The following NALF1 variants were observed in gnomAD, a reference collection of about 807,000 sequenced individuals.
The protein encoded by NALF1 is NALCN channel auxiliary factor 1.
A neutral mutation model predicts 48.4 loss-of-function variants in NALF1; 3 were observed. The ratio of observed to expected loss-of-function variants is 0.06; its 90% CI spans 0.03 to 0.16. The LOEUF (loss-of-function observed/expected upper bound fraction) is 0.16, where lower values mean the gene tolerates loss of function less well. Among genes scored for constraint, NALF1 ranks in the 10% least tolerant of loss-of-function variants. The pLI is 1.00. For synonymous variants in NALF1, 262 were observed against 245.7 expected (o/e 1.07, Z -0.62); for missense variants, 526 against 571.5 (o/e 0.92, Z 0.81).
At chr13:107,224,449 T>A (rs1005913149) in intron 1 of NALF1, among the ~76,000 whole-genome samples, 1 of 148,798 alleles carries the variant, frequency 6.7e-6, no homozygotes, top group Non-Finnish European at 1.5e-5. Context: ...AAATTATATA[T>A]AATATAAATA....
At chr13:107,678,372 T>C (rs1267022562) in intron 1 of NALF1, among the ~76,000 whole-genome samples, 1 of 152,084 alleles carries the variant, frequency 6.6e-6, no homozygotes, top group Non-Finnish European at 1.5e-5. Flanking sequence ...GACCTACTCA[T>C]CTATATAAAT....
At chr13:107,538,527 C>A (rs1029588856) in intron 1 of NALF1, among the ~76,000 whole-genome samples, 2 of 152,148 alleles carry the variant, frequency 1.3e-5, no homozygotes, top group African/African-American at 4.8e-5. Context: ...GAGTTCTAAT[C>A]ATATGATCTC....
At chr13:107,297,329 A>G (rs1881745391) in intron 1 of NALF1, among the ~76,000 whole-genome samples, 2 of 152,206 alleles carry the variant, frequency 1.3e-5, no homozygotes, top group Admixed American at 6.5e-5. Flanking sequence ...GATAATGAAA[A>G]GAAACAGTAT....
In NALF1 at chr13:107,473,570, C is replaced by T. The variant is rs188171176; in HGVS notation, c.916-262815G>A. On this transcript the variant is annotated intron_variant, in intron 1 of 2. Transcript: ENST00000375915. ...ACAGGACATATGTCTCATAAAATAC[C>T]ATGGCACTGCCTAAGAGAAGGTAGA... Among the ~76,000 whole-genome samples the T allele has an allele frequency of 5.9e-5, 9 of 152,182 alleles. No homozygotes were observed. The East Asian group carries it at 1.7e-3, about 29-fold the overall frequency.
chr13:107,256,132 A>C (rs1006492957), intron 1 of NALF1, among the ~76,000 whole-genome samples: 1 of 152,224 alleles, frequency 6.6e-6, no homozygotes, highest in African/African-American at 2.4e-5. Flanking sequence ...CGTTATTAAA[A>C]GTTAAATTAT....
chr13:107,849,781 T>C (rs1880264185), intron 1 of NALF1, among the ~76,000 whole-genome samples: 1 of 151,794 alleles, frequency 6.6e-6, no homozygotes, highest in Non-Finnish European at 1.5e-5. Context: ...TTCTTTTCCT[T>C]TTTTCTTTCT....
At chr13:107,849,535 C>T (rs1594312957) in intron 1 of NALF1, among the ~76,000 whole-genome samples, 1 of 152,114 alleles carries the variant, frequency 6.6e-6, no homozygotes, top group African/African-American at 2.4e-5. Context: ...TGCCCAAGGC[C>T]TCTCTATGAG....
intron 2 of NALF1, among the ~76,000 whole-genome samples, chr13:107,196,866 T>G (rs1218894506): frequency 1.3e-5 from 2 of 152,138 alleles, no homozygotes; most frequent in African/African-American, 2.4e-5. Flanking sequence ...GGTGACCAAG[T>G]GAGAGGATAG....
At chr13:107,769,544 G>C (rs548557945) in intron 1 of NALF1, among the ~76,000 whole-genome samples, 35 of 112,334 alleles carry the variant, frequency 3.1e-4, no homozygotes, top group African/African-American at 1.2e-3. Context: ...CTGTTGTGGG[G>C]TGGGGGGAGG....
intron 1 of NALF1, among the ~76,000 whole-genome samples, chr13:107,381,996 C>A (rs1287037363): frequency 6.8e-6 from 1 of 147,688 alleles, no homozygotes; most frequent in Admixed American, 6.6e-5. Context: ...GAGTCATCTG[C>A]AAATTCTCTT....
At chr13:107,514,328 G>T (rs1175339436) in intron 1 of NALF1, among the ~76,000 whole-genome samples, 1 of 152,156 alleles carries the variant, frequency 6.6e-6, no homozygotes, top group African/African-American at 2.4e-5. Context: ...AGGCAGTATG[G>T]GAGATTCAAG....
intron 1 of NALF1, among the ~76,000 whole-genome samples, chr13:107,435,319 G>A (rs1343314179): frequency 1.4e-5 from 2 of 138,230 alleles, no homozygotes; most frequent in African/African-American, 5.0e-5. Context: ...GCATCTTAGA[G>A]GTTGATTAGA....
chr13:107,639,001 G>A (rs1880070470), intron 1 of NALF1, among the ~76,000 whole-genome samples: 1 of 151,304 alleles, frequency 6.6e-6, no homozygotes, highest in Non-Finnish European at 1.5e-5. Flanking sequence ...TTCATCAACA[G>A]GAGCTCAATA....
intron 1 of NALF1, among the ~76,000 whole-genome samples, chr13:107,292,992 C>CTTTTTCTTTTTTTT (rs745529749): frequency 7.2e-5 from 8 of 110,680 alleles, no homozygotes; most frequent in East Asian, 2.8e-4. Context: ...TTTTCTTTTT[C>CTTTTTCTTTTTTTT]TTTTTTTTTT....
chr13:107,855,630 C>A (rs1880424310), intron 1 of NALF1, among the ~76,000 whole-genome samples: 1 of 152,188 alleles, frequency 6.6e-6, no homozygotes, highest in Non-Finnish European at 1.5e-5. Flanking sequence ...GGCAACCAGA[C>A]ATGGGCAAAG....
intron 1 of NALF1, among the ~76,000 whole-genome samples, chr13:107,351,104 T>A (rs17376051): frequency 0.017 from 2,632 of 152,358 alleles, 34 homozygotes; most frequent in Non-Finnish European, 0.028. Context: ...TCCTATATGC[T>A]GATTTGGTTT....
In NALF1 at chr13:107,164,974, G is replaced by A. The variant is rs954878724; in HGVS notation, c.*5523C>T. 6.6e-6 allele frequency: 1 copy of A among 152,056 alleles called. No individual in the cohort carries two copies. Among genetic ancestry groups the A allele is most frequent in the Non-Finnish European group, 1.5e-5 (1 of 68,026 alleles). The allele number at this position is 152,056 out of a possible 1,614,324, so 9.4% of individuals were successfully genotyped here. ...CATTTATATTACTTATCTCTTTTAAGCCTCCAATGTTGCCACGAAGTATTC... is the reference window on the plus strand; with the variant it reads ...CATTTATATTACTTATCTCTTTTAAACCTCCAATGTTGCCACGAAGTATTC... On this transcript the variant is annotated 3_prime_UTR_variant, in exon 3 of 3. Transcript: ENST00000375915.
rs562527619 is a variant in NALF1 at position 107,432,240 on chromosome 13, C to G, written c.916-221485G>C. On this transcript the variant is annotated intron_variant, in intron 1 of 2. Transcript: ENST00000375915. ...AGGTCTCTGGAGAACTCACTCATCT[C>G]CAAAGGGCTGACACCAAACCATTCA... Among the ~76,000 whole-genome samples the G allele has an allele frequency of 1.2e-3, 186 of 152,242 alleles. 1 individual carries two copies. The highest frequency in any genetic ancestry group is 4.0e-3 in the African/African-American group (167 of 41,542).
chr13:107,436,063 C>T (rs776588672), intron 1 of NALF1, among the ~76,000 whole-genome samples: 31 of 152,202 alleles, frequency 2.0e-4, no homozygotes, highest in South Asian at 4.1e-4. Flanking sequence ...AAAAGTTCTC[C>T]GAGGGCAAGA....
Sources: gnomAD v4.1 joint callset for allele counts (sites outside exome capture counted in the v4.1 genomes callset) on GRCh38, gnomAD v4.1.1 for gene constraint, MANE v1.5 for transcripts, NCBI Gene and HGNC (gene_info 2026-07-23, HGNC 2026-07-21) for gene names.